Variants in IFI44 observed in about 807,000 individuals in gnomAD.
IFI44 encodes the protein interferon induced protein 44, also known as interferon-induced protein 44.
IFI44 carries 42 observed loss-of-function variants against 45.0 expected under a neutral mutation model. That is an observed-to-expected ratio of 0.93 (90% CI 0.73 to 1.21). The LOEUF (loss-of-function observed/expected upper bound fraction) is 1.21. IFI44 is among the 50% of genes most tolerant of loss of function. The pLI is 0.00. For missense variants in IFI44, 623 were observed against 525.8 expected (o/e 1.18, Z -1.81); for synonymous variants, 221 against 188.6 (o/e 1.17, Z -1.41).
chr1:78,655,249 T>G, intron 4 of IFI44, 40 bp downstream of exon 4: 1 of 1,583,746 alleles, frequency 6.3e-7, no homozygotes, highest in South Asian at 1.1e-5. Context: ...GCTTCTCTGT[T>G]CAAATCAATT....
intron 5 of IFI44, among the ~76,000 whole-genome samples, chr1:78,655,877 T>A (rs1647199747): frequency 6.6e-6 from 1 of 152,160 alleles, no homozygotes; most frequent in African/African-American, 2.4e-5. Context: ...CAGCATGGGC[T>A]GTTAAGATAT....
rs1219499073 is a variant in IFI44, at chr1:78,655,069, G to T, written c.550G>T (p.Val184Phe). 6.2e-7 allele frequency: 1 copy of T among 1,613,790 alleles called. No homozygotes were observed. The highest frequency in any genetic ancestry group is 8.5e-7 in the Non-Finnish European group (1 of 1,179,868). ...LRTYEPYGSL[V>F]QQIRILLLGP... ...AACTTATGAACCATATGGATCCCTG[G>T]TTCAACAAATACGAATTCTGCTGCT... The change falls in exon 4 of 9, where the codon GTT (valine) becomes TTT (phenylalanine). Residue 184 changes from valine to phenylalanine, a missense_variant. Transcript: ENST00000370747.
At chr1:78,659,916 G>A (rs902207325) in intron 6 of IFI44, among the ~76,000 whole-genome samples, 2 of 152,182 alleles carry the variant, frequency 1.3e-5, no homozygotes, top group South Asian at 4.1e-4. Flanking sequence ...ATGTTTGTAG[G>A]GAGAGGTAAA....
chr1:78,660,626 T>TAGAG lies in IFI44; in HGVS notation c.1089_1092dup (p.Cys365GlufsTer3). On this transcript the variant is annotated frameshift_variant, in exon 7 of 9. Coordinates refer to ENST00000370747, the MANE Select transcript of IFI44 (RefSeq NM_006417.5). LOFTEE classifies it high-confidence loss of function. ...ATTACAAAAGGTGACCTTATAGAAA[T>TAGAG]AGAGAGATGTGAGCCTGTGAGGTCC... The TAGAG allele has an allele frequency of 6.2e-7, 1 of 1,613,252 alleles. No homozygotes were observed. Among genetic ancestry groups the TAGAG allele is most frequent in the South Asian group, 1.1e-5 (1 of 91,072 alleles).
At position 78,650,181 on chromosome 1, in the gene IFI44, A is replaced by C. The variant is rs1226157870; in HGVS notation, c.-10-5A>C. 1 of 1,571,456 alleles carries C rather than the reference A, an allele frequency of 6.4e-7. No individual in the cohort carries two copies. The highest frequency in any genetic ancestry group is 8.7e-7 in the Non-Finnish European group (1 of 1,154,460). On this transcript the variant is annotated splice_region_variant and splice_polypyrimidine_tract_variant and intron_variant, in intron 1 of 8. Coordinates refer to ENST00000370747, the MANE Select transcript of IFI44 (RefSeq NM_006417.5). ...TAATGGAAAATATATATGATTTGCC[A>C]CTAGATCAAGAAGTATGGCAGTGAC... is the stretch of plus-strand genomic sequence containing the variant.
chr1:78,650,149 T>G, intron 1 of IFI44, 37 bp from the exon 2 acceptor site: 1 of 1,418,768 alleles, frequency 7.0e-7, no homozygotes, highest in South Asian at 1.4e-5. Flanking sequence ...ATCTGTTTTT[T>G]AATATTTAAT....
intron 2 of IFI44, among the ~76,000 whole-genome samples, chr1:78,652,173 G>A (rs571933320): frequency 3.3e-5 from 5 of 152,044 alleles, no homozygotes; most frequent in Admixed American, 1.3e-4. Context: ...CTTCCGCCCC[G>A]CGGGATCAAG....
At position 78,655,217 on chromosome 1, in the gene IFI44, C is replaced by T; in HGVS notation, c.690+8C>T. 1 of 1,610,026 alleles carries T rather than the reference C, an allele frequency of 6.2e-7. No homozygotes were observed. Among genetic ancestry groups the T allele is most frequent in the Non-Finnish European group, 8.5e-7 (1 of 1,177,660 alleles). ...ACTGGGATATCTGAGAAGGTAAGCACATTTGAGGCCACCTAGCCTTTGCTT... is the reference window on the plus strand; with the variant it reads ...ACTGGGATATCTGAGAAGGTAAGCATATTTGAGGCCACCTAGCCTTTGCTT... On this transcript the variant is annotated splice_region_variant and intron_variant, in intron 4 of 8. Coordinates refer to ENST00000370747, the MANE Select transcript of IFI44 (RefSeq NM_006417.5).
chr1:78,663,098 T>C (rs1419742060), intron 8 of IFI44: 2 of 985,236 alleles, frequency 2.0e-6, no homozygotes, highest in Non-Finnish European at 2.4e-6. Flanking sequence ...TTTTTCCCTT[T>C]TTGTCTTGAG....
intron 7 of IFI44, among the ~76,000 whole-genome samples, chr1:78,662,085 T>C (rs762495895): frequency 2.6e-5 from 4 of 152,206 alleles, no homozygotes; most frequent in Non-Finnish European, 4.4e-5. Context: ...TGGCACTGTG[T>C]ACAGAATAGA....
At chr1:78,658,967 T>C (rs1321416096) in intron 5 of IFI44, among the ~76,000 whole-genome samples, 1 of 151,984 alleles carries the variant, frequency 6.6e-6, no homozygotes, top group African/African-American at 2.4e-5. Flanking sequence ...TGCTTGATGG[T>C]ACCAGCTTTT....
chr1:78,655,945 G>A (rs1239866023), intron 5 of IFI44, among the ~76,000 whole-genome samples: 1 of 152,154 alleles, frequency 6.6e-6, no homozygotes, highest in African/African-American at 2.4e-5. Flanking sequence ...GTATTTGGAG[G>A]TAGCGACTTT....
intron 5 of IFI44, among the ~76,000 whole-genome samples, chr1:78,657,271 T>C (rs947304320): frequency 1.3e-5 from 2 of 152,106 alleles, no homozygotes; most frequent in African/African-American, 4.8e-5. Context: ...TCTTTGATTG[T>C]ATGTTCTGAC....
chr1:78,651,948 T>C (rs1647130855), intron 2 of IFI44, among the ~76,000 whole-genome samples: 1 of 152,166 alleles, frequency 6.6e-6, no homozygotes, highest in Non-Finnish European at 1.5e-5. Context: ...CTTTCCATAT[T>C]GGACATATGC....
intron 5 of IFI44, 49 bp from the exon 6 acceptor site, chr1:78,659,263 C>T (rs1445659923): frequency 2.0e-6 from 3 of 1,467,698 alleles, no homozygotes; most frequent in Non-Finnish European, 2.8e-6. Context: ...ATAGTTTGTG[C>T]TCATAAATAT....
At chr1:78,652,173 G>T (rs571933320) in intron 2 of IFI44, among the ~76,000 whole-genome samples, 2 of 151,926 alleles carry the variant, frequency 1.3e-5, no homozygotes, top group Non-Finnish European at 2.9e-5. Flanking sequence ...CTTCCGCCCC[G>T]CGGGATCAAG....
Position 78,655,192 on chromosome 1 carries a change from A to C in IFI44, c.673A>C (p.Thr225Pro). 1 of 1,613,612 alleles carries C rather than the reference A, an allele frequency of 6.2e-7. No homozygotes were observed. The highest frequency in any genetic ancestry group is 1.1e-5 in the South Asian group (1 of 91,008). The change falls in exon 4 of 9, where the codon ACT becomes CCT. Residue 225 changes from threonine (T) to proline (P), a missense_variant. Transcript: ENST00000370747. ...THQALVGTNT[T>P]GISEKYRTYS... ...TCAGGCTTTGGTGGGCACTAATACA[A>C]CTGGGATATCTGAGAAGGTAAGCAC...
intron 5 of IFI44, among the ~76,000 whole-genome samples, chr1:78,659,048 C>A (rs1647305483): frequency 6.6e-6 from 1 of 151,932 alleles, no homozygotes; most frequent in Non-Finnish European, 1.5e-5. Context: ...CAGCCATATC[C>A]TTATTCTCTT....
chr1:78,650,199 G>A lies in IFI44; in HGVS notation c.4G>A (p.Ala2Thr). M[A>T]VTTRLTWLHE... ...ATTTGCCACTAGATCAAGAAGTATG[G>A]CAGTGACAACTCGTTTGACATGGTT... Residue 2 changes from alanine (A) to threonine (T), a missense_variant, in exon 2 of 9, where the codon GCA becomes ACA. By Grantham distance (58) the Ala-to-Thr change is moderately conservative. Transcript: ENST00000370747. The A allele has an allele frequency of 6.3e-7, 1 of 1,598,094 alleles. No individual in the cohort carries two copies.
Sources: gnomAD v4.1 joint callset for allele counts (sites outside exome capture counted in the v4.1 genomes callset) on GRCh38, gnomAD v4.1.1 for gene constraint, MANE v1.5 for transcripts, NCBI Gene and HGNC (gene_info 2026-07-23, HGNC 2026-07-21) for gene names.